Variants in RAPGEF4 observed in about 807,000 individuals in gnomAD.
RAPGEF4 encodes RAP guanine-nucleotide-exchange factor (GEF) 4.
In RAPGEF4, 66 loss-of-function variants were observed where a neutral mutation model predicts 147.9. That is an observed-to-expected ratio of 0.45 (90% CI 0.37 to 0.55). RAPGEF4 has a LOEUF of 0.55. Ranked by LOEUF, RAPGEF4 falls within the 20% of genes least tolerant of loss-of-function variation. RAPGEF4 has a pLI of 0.00. For synonymous variants in RAPGEF4, 419 were observed against 442.7 expected (o/e 0.95, Z 0.67); for missense variants, 1,071 against 1,257.3 (o/e 0.85, Z 2.24).
chr2:172,868,420 T>A (rs1191289262), intron 4 of RAPGEF4, among the ~76,000 whole-genome samples: 1 of 152,218 alleles, frequency 6.6e-6, no homozygotes, highest in Admixed American at 6.5e-5. Flanking sequence ...TGCTCTTATA[T>A]AGCACAGACT....
intron 4 of RAPGEF4, among the ~76,000 whole-genome samples, chr2:172,837,836 T>C (rs1377585277): frequency 6.6e-6 from 1 of 152,214 alleles, no homozygotes; most frequent in East Asian, 1.9e-4. Context: ...AGTGCTGAGA[T>C]CACAGGTGTG....
rs142488100 is a variant in RAPGEF4 at position 172,952,332 on chromosome 2, G to A, written c.538-8428G>A. On this transcript the variant is annotated intron_variant, in intron 6 of 30. Coordinates refer to ENST00000397081, the MANE Select transcript of RAPGEF4 (RefSeq NM_007023.4). ...AAAAGCACTCAACACACTATTCCCA[G>A]GTTTGGACTTTGTTGTCAGAATTTC... Among the ~76,000 whole-genome samples, 73 of 152,320 alleles carry A rather than the reference G, an allele frequency of 4.8e-4. 1 individual carries two copies. The highest frequency in any genetic ancestry group is 1.7e-3 in the African/African-American group (69 of 41,572).
At chr2:172,772,386 C>T (rs1355644060) in intron 1 of RAPGEF4, among the ~76,000 whole-genome samples, 2 of 151,108 alleles carry the variant, frequency 1.3e-5, no homozygotes, top group Non-Finnish European at 2.9e-5. Flanking sequence ...CTCTGTCATC[C>T]AGGCTGGAGT....
intron 4 of RAPGEF4, among the ~76,000 whole-genome samples, chr2:172,881,548 G>A (rs537424827): frequency 7.4e-4 from 112 of 152,266 alleles, no homozygotes; most frequent in African/African-American, 2.3e-3. Context: ...GCACTTCCTC[G>A]GATAGAAGGA....
At chr2:172,889,773 T>C in intron 4 of RAPGEF4, 1 of 942,118 alleles carries the variant, frequency 1.1e-6, no homozygotes, top group Non-Finnish European at 1.3e-6. Context: ...TTTAAAAATA[T>C]AGATAGATAT....
At chr2:172,976,947 C>G (rs1691138208) in intron 10 of RAPGEF4, among the ~76,000 whole-genome samples, 1 of 152,222 alleles carries the variant, frequency 6.6e-6, no homozygotes, top group Non-Finnish European at 1.5e-5. Flanking sequence ...CCTGCAGAAA[C>G]TAGGCCTTTC....
chr2:172,758,785 A>T (rs187667690), intron 1 of RAPGEF4, among the ~76,000 whole-genome samples: 51 of 152,312 alleles, frequency 3.3e-4, no homozygotes, highest in Admixed American at 1.8e-3. Flanking sequence ...TGAGATACCT[A>T]TTAGACATTC....
chr2:172,974,917 A>G (rs1412660544), intron 10 of RAPGEF4, among the ~76,000 whole-genome samples: 2 of 152,200 alleles, frequency 1.3e-5, no homozygotes, highest in East Asian at 3.9e-4. Context: ...CCTGAGTTTT[A>G]CTATGTATTG....
chr2:172,866,176 T>C (rs115102981), intron 4 of RAPGEF4, among the ~76,000 whole-genome samples: 4 of 152,116 alleles, frequency 2.6e-5, no homozygotes, highest in Non-Finnish European at 5.9e-5. Flanking sequence ...CTACTCTATC[T>C]CCCCTTTTAT....
intron 3 of RAPGEF4, among the ~76,000 whole-genome samples, chr2:172,813,807 C>T (rs1187827835): frequency 6.6e-6 from 1 of 152,054 alleles, no homozygotes. Context: ...AAAGTAGAAA[C>T]AACCCAAATG....
intron 4 of RAPGEF4, among the ~76,000 whole-genome samples, chr2:172,878,438 A>G (rs758034862): frequency 3.3e-5 from 5 of 152,224 alleles, no homozygotes; most frequent in Non-Finnish European, 4.4e-5. Context: ...AGGAAGGACT[A>G]TAACTACAGC....
intron 10 of RAPGEF4, among the ~76,000 whole-genome samples, chr2:172,976,159 A>T (rs796920108): frequency 7.2e-5 from 11 of 152,336 alleles, no homozygotes; most frequent in African/African-American, 2.6e-4. Flanking sequence ...TGCTATTAGG[A>T]CTAGAAAGGG....
In RAPGEF4 at chr2:173,014,541, G is replaced by T; in HGVS notation, c.1736G>T (p.Arg579Leu). ...CTCAACAATAAGAGGCGAGTCATCC[G>T]CCTGGTTCTACAGTGGGCTGCCATG... ...YALNNKRRVI[R>L]LVLQWAAMYG... The change falls in exon 18 of 31, where the codon CGC (arginine) becomes CTC (leucine). Residue 579 changes from arginine (R) to leucine (L), a missense_variant. Arg to Leu is a moderately radical substitution (Grantham distance 102). Coordinates refer to ENST00000397081, the MANE Select transcript of RAPGEF4 (RefSeq NM_007023.4). 1.2e-6 allele frequency: 2 copies of T among 1,614,112 alleles called. No individual in the cohort carries two copies.
chr2:172,819,054 A>G (rs1052157599), intron 4 of RAPGEF4, among the ~76,000 whole-genome samples: 13 of 152,196 alleles, frequency 8.5e-5, no homozygotes, highest in African/African-American at 2.9e-4. Context: ...AATATTCCCT[A>G]AGATATAACT....
At chr2:172,859,378 T>A (rs1465006583) in intron 4 of RAPGEF4, among the ~76,000 whole-genome samples, 3 of 152,266 alleles carry the variant, frequency 2.0e-5, no homozygotes, top group Non-Finnish European at 2.9e-5. Flanking sequence ...CTGATATATT[T>A]CCTCTTCCCA....
chr2:172,918,250 T>C (rs1214823054), intron 5 of RAPGEF4, among the ~76,000 whole-genome samples: 8 of 129,838 alleles, frequency 6.2e-5, no homozygotes, highest in African/African-American at 2.2e-4. Context: ...CCTCTTGCTT[T>C]TTTTTTTTTT....
intron 4 of RAPGEF4, among the ~76,000 whole-genome samples, chr2:172,820,369 A>G (rs1490123145): frequency 1.3e-5 from 2 of 152,250 alleles, no homozygotes; most frequent in Non-Finnish European, 2.9e-5. Flanking sequence ...ACACATATTT[A>G]TGAATATGTT....
chr2:173,032,239 C>G (rs1045924590), intron 26 of RAPGEF4, among the ~76,000 whole-genome samples: 6 of 152,152 alleles, frequency 3.9e-5, no homozygotes, highest in African/African-American at 1.2e-4. Flanking sequence ...CATCCCTGGC[C>G]TCTCCCCACC....
chr2:172,964,896 G>A (rs1477301413), intron 8 of RAPGEF4, among the ~76,000 whole-genome samples: 1 of 152,174 alleles, frequency 6.6e-6, no homozygotes, highest in Non-Finnish European at 1.5e-5. Context: ...CCACAGAAGG[G>A]CATCTTGGGG....
Sources: gnomAD v4.1 joint callset for allele counts (sites outside exome capture counted in the v4.1 genomes callset) on GRCh38, gnomAD v4.1.1 for gene constraint, MANE v1.5 for transcripts, NCBI Gene and HGNC (gene_info 2026-07-23, HGNC 2026-07-21) for gene names.